The following ABCA13 variants were observed in gnomAD, a reference collection of about 807,000 sequenced individuals.
ABCA13 encodes the protein ATP binding cassette subfamily A member 13, also known as ATP-binding cassette sub-family A member 13.
Under a neutral mutation model 478.7 loss-of-function variants are expected in ABCA13, and 476 were observed. That is an observed-to-expected ratio of 0.99 (90% confidence interval 0.92 to 1.07). The LOEUF (loss-of-function observed/expected upper bound fraction) is 1.07, where lower values mean the gene tolerates loss of function less well. ABCA13 is among the 50% of genes least tolerant of loss of function. The pLI, the probability that ABCA13 is intolerant of heterozygous loss-of-function variation, is 0.00. For synonymous variants in ABCA13, 2,252 were observed against 2,158.9 expected (o/e 1.04, Z -1.20); for missense variants, 6,060 against 5,910.6 (o/e 1.03, Z -0.83).
intron 55 of ABCA13, among the ~76,000 whole-genome samples, chr7:48,576,103 A>G (rs1344267224): frequency 6.6e-6 from 1 of 151,738 alleles, no homozygotes; most frequent in African/African-American, 2.4e-5. Context: ...ATTTGGGAAG[A>G]TGTATGTAGG....
At chr7:48,513,047 C>A (rs1831827841) in intron 51 of ABCA13, among the ~76,000 whole-genome samples, 1 of 152,178 alleles carries the variant, frequency 6.6e-6, no homozygotes, top group Non-Finnish European at 1.5e-5. Flanking sequence ...CTGGTGACAA[C>A]CTCCCCCGCC....
chr7:48,317,387 C>T, intron 27 of ABCA13, 91 bp downstream of exon 27: 1 of 1,381,106 alleles, frequency 7.2e-7, no homozygotes, highest in Non-Finnish European at 9.8e-7. Context: ...TATTATGCGC[C>T]TTGGATTATG....
At position 48,198,365 on chromosome 7, in the gene ABCA13, G is replaced by A. The variant is rs1798223097; in HGVS notation, c.287+5G>A. On this transcript the variant is annotated splice_donor_5th_base_variant and intron_variant, in intron 3 of 61. Coordinates refer to ENST00000435803, the MANE Select transcript of ABCA13 (RefSeq NM_152701.5). ...GTCAATGGAGCATCATTTTCGGTAA[G>A]AGAAACACAAAGATCTTTTTCAGAA... 2 of 1,613,110 alleles carry A rather than the reference G, an allele frequency of 1.2e-6. No homozygotes were observed. Among genetic ancestry groups the A allele is most frequent in the Non-Finnish European group, 8.5e-7 (1 of 1,179,638 alleles).
intron 15 of ABCA13, among the ~76,000 whole-genome samples, chr7:48,264,688 CAT>C (rs1794644446): frequency 2.6e-5 from 4 of 151,628 alleles, no homozygotes; most frequent in Non-Finnish European, 5.9e-5. Flanking sequence ...CTTTATCAGA[CAT>C]ACGCTTTGCA....
chr7:48,525,832 AC>A (rs1832857218), intron 54 of ABCA13, among the ~76,000 whole-genome samples: 1 of 151,944 alleles, frequency 6.6e-6, no homozygotes, highest in South Asian at 2.1e-4. Flanking sequence ...GCACCTCTCA[AC>A]CCATCACCTA....
chr7:48,227,503 T>C, intron 6 of ABCA13, 78 bp downstream of exon 6: 1 of 1,482,196 alleles, frequency 6.7e-7, no homozygotes, highest in East Asian at 2.5e-5. Context: ...AAATAAAAAT[T>C]ACTAATTGTT....
At chr7:48,527,027 G>A (rs1832932233) in intron 54 of ABCA13, among the ~76,000 whole-genome samples, 2 of 152,178 alleles carry the variant, frequency 1.3e-5, no homozygotes, top group African/African-American at 2.4e-5. Context: ...AGGTGCATGA[G>A]TGGTATTGTC....
intron 41 of ABCA13, among the ~76,000 whole-genome samples, chr7:48,419,999 G>A (rs1328899546): frequency 6.6e-6 from 1 of 152,174 alleles, no homozygotes; most frequent in Non-Finnish European, 1.5e-5. Flanking sequence ...GCTATAAAAT[G>A]TCTGTCTCAA....
In ABCA13 at chr7:48,646,808, C is replaced by G. The variant is rs565886322; in HGVS notation, c.*1296C>G. The G allele has an allele frequency of 1.3e-5, 2 of 152,132 alleles. No homozygotes were observed. The highest frequency in any genetic ancestry group is 2.9e-5 in the Non-Finnish European group (2 of 68,050). 9.4% of individuals were successfully genotyped at this position (152,132 alleles called of 1,614,324 possible). On this transcript the variant is annotated 3_prime_UTR_variant, in exon 62 of 62. Transcript: ENST00000435803. ...TGCTGGGATTACAGGCGTGAGCCAC[C>G]GTGTCCGGCCGTAGTTTATTTTAAA... is the stretch of plus-strand genomic sequence containing the variant.
intron 3 of ABCA13, among the ~76,000 whole-genome samples, chr7:48,201,010 G>T (rs937143098): frequency 6.6e-6 from 1 of 152,146 alleles, no homozygotes; most frequent in African/African-American, 2.4e-5. Flanking sequence ...GTTCAAAGGC[G>T]GGTCCAGGGG....
intron 59 of ABCA13, 75 bp downstream of exon 59, chr7:48,615,452 T>C (rs1229762866): frequency 1.2e-5 from 16 of 1,344,628 alleles, no homozygotes; most frequent in Non-Finnish European, 1.5e-5. Flanking sequence ...TGACTGGAGA[T>C]GCTTTAGAGG....
chr7:48,325,933 TC>T (rs760994220), intron 27 of ABCA13, among the ~76,000 whole-genome samples: 57 of 152,142 alleles, frequency 3.7e-4, no homozygotes, highest in Non-Finnish European at 6.8e-4. Context: ...TTGCCATGAA[TC>T]TGCACTCTAG....
At chr7:48,397,944 A>C (rs1817073299) in intron 38 of ABCA13, among the ~76,000 whole-genome samples, 2 of 152,100 alleles carry the variant, frequency 1.3e-5, no homozygotes, top group African/African-American at 4.8e-5. Context: ...CATAATCTCT[A>C]CTGGAGGGCA....
chr7:48,304,045 C>T (rs1191868773), intron 23 of ABCA13, among the ~76,000 whole-genome samples: 3 of 152,128 alleles, frequency 2.0e-5, no homozygotes, highest in African/African-American at 7.2e-5. Context: ...ATGACTGTAT[C>T]GACATGGTTT....
At chr7:48,425,950 C>G (rs1317151647) in intron 41 of ABCA13, among the ~76,000 whole-genome samples, 1 of 152,010 alleles carries the variant, frequency 6.6e-6, no homozygotes, top group Non-Finnish European at 1.5e-5. Context: ...ACTGTGTTAG[C>G]CAGGATGGTC....
At chr7:48,616,362 G>A (rs1406300185) in intron 59 of ABCA13, among the ~76,000 whole-genome samples, 1 of 152,056 alleles carries the variant, frequency 6.6e-6, no homozygotes, top group Non-Finnish European at 1.5e-5. Context: ...ACTATTCTCG[G>A]TATGTACTCT....
intron 41 of ABCA13, among the ~76,000 whole-genome samples, chr7:48,416,368 C>T (rs1231735418): frequency 6.6e-6 from 1 of 152,112 alleles, no homozygotes; most frequent in African/African-American, 2.4e-5. Flanking sequence ...TCCTTCTGCA[C>T]CCCCTGGGGT....
intron 41 of ABCA13, among the ~76,000 whole-genome samples, chr7:48,416,212 G>C (rs566624234): frequency 6.6e-6 from 1 of 152,260 alleles, no homozygotes. Context: ...ACTTAGACAG[G>C]CCTCTACAAA....
chr7:48,302,298 G>C (rs1800257450), intron 23 of ABCA13, among the ~76,000 whole-genome samples: 1 of 152,072 alleles, frequency 6.6e-6, no homozygotes, highest in African/African-American at 2.4e-5. Flanking sequence ...CTGCAAAAAT[G>C]CTTCTTGCTA....
Sources: allele counts gnomAD v4.1 joint callset (sites outside exome capture counted in the v4.1 genomes callset), GRCh38; gene constraint gnomAD v4.1.1; transcripts MANE v1.5; gene names NCBI Gene and HGNC (gene_info 2026-07-23, HGNC 2026-07-21).